The following ANK2 variants were observed in gnomAD, a reference collection of about 807,000 sequenced individuals.
ANK2 encodes ankyrin 2, also known as ankyrin-2.
ANK2 carries 83 observed loss-of-function variants against 360.5 expected under a neutral mutation model. The observed-to-expected ratio is 0.23, with a 90% CI of 0.19 to 0.28. The LOEUF (loss-of-function observed/expected upper bound fraction) is 0.28. Ranked by LOEUF, ANK2 falls within the 10% of genes least tolerant of loss-of-function variation. The pLI, the probability that ANK2 is intolerant of heterozygous loss-of-function variation, is 1.00. For missense variants in ANK2, 4,201 were observed against 4,795.7 expected, an observed-to-expected ratio of 0.88 and a Z score of 3.66; for synonymous variants, 1,740 against 1,759.5, an observed-to-expected ratio of 0.99 and a Z score of 0.28.
chr4:112,975,991 T>G (rs1003311691), intron 2 of ANK2, among the ~76,000 whole-genome samples: 2 of 152,196 alleles, frequency 1.3e-5, no homozygotes, highest in Non-Finnish European at 2.9e-5. Flanking sequence ...TTATATTTAA[T>G]TGGTATTTTT....
chr4:113,257,129 T>C (rs895293700), intron 11 of ANK2, among the ~76,000 whole-genome samples: 2 of 152,208 alleles, frequency 1.3e-5, no homozygotes, highest in African/African-American at 4.8e-5. Context: ...GAACTGCTAG[T>C]GTGTAAAAAC....
chr4:113,132,191 C>A (rs920252790), intron 1 of ANK2, among the ~76,000 whole-genome samples: 2 of 152,026 alleles, frequency 1.3e-5, no homozygotes, highest in Admixed American at 1.3e-4. Flanking sequence ...GAATACTCAT[C>A]CTTGGAATTG....
intron 12 of ANK2, 51 bp downstream of exon 12, chr4:113,258,199 C>A (rs749556961): frequency 6.3e-7 from 1 of 1,577,760 alleles, no homozygotes; most frequent in Non-Finnish European, 8.7e-7. Context: ...TTACTCCTTC[C>A]TCCCTTTCCT....
chr4:112,950,300 A>C (rs1334670583), intron 2 of ANK2, among the ~76,000 whole-genome samples: 2 of 152,238 alleles, frequency 1.3e-5, no homozygotes, highest in Non-Finnish European at 2.9e-5. Context: ...GAACTGATAG[A>C]ACGTAAATGG....
At chr4:113,119,313 A>C (rs1310577923) in intron 1 of ANK2, among the ~76,000 whole-genome samples, 1 of 152,126 alleles carries the variant, frequency 6.6e-6, no homozygotes, top group African/African-American at 2.4e-5. Context: ...CAGCACAACA[A>C]ACTTGCTAAA....
chr4:113,285,408 T>G (rs780268666), intron 18 of ANK2, among the ~76,000 whole-genome samples: 1 of 152,198 alleles, frequency 6.6e-6, no homozygotes. Context: ...CCTCTGAACT[T>G]CTGACCTACT....
intron 1 of ANK2, among the ~76,000 whole-genome samples, chr4:113,051,011 G>A (rs912020602): frequency 1.3e-5 from 2 of 152,252 alleles, no homozygotes; most frequent in Middle Eastern, 3.4e-3. Context: ...TAATCATAGC[G>A]TAGAGATAGT....
intron 1 of ANK2, among the ~76,000 whole-genome samples, chr4:113,065,611 C>G (rs547169990): frequency 1.3e-5 from 2 of 152,104 alleles, no homozygotes; most frequent in African/African-American, 4.8e-5. Flanking sequence ...AGTGTTTTTC[C>G]TGTTTCTTAC....
rs62313245 is a variant in ANK2 at position 113,357,510 on chromosome 4, C to T, written c.8892C>T (p.Ile2964=). The T allele has an allele frequency of 1.2e-6, 2 of 1,614,116 alleles. No individual in the cohort carries two copies. Among genetic ancestry groups the T allele is most frequent in the Non-Finnish European group, 1.7e-6 (2 of 1,179,986 alleles). The change falls in exon 38 of 46, where the codon ATC becomes ATT. Residue 2964 remains isoleucine, a synonymous_variant. Coordinates refer to ENST00000357077, the MANE Select transcript of ANK2 (RefSeq NM_001148.6). ...FHSSEVYSVT[I]TSPVEDVVVA... ...CTTCTGAAGTGTATTCTGTTACCAT[C>T]ACATCCCCTGTTGAAGACGTTGTAG...
chr4:113,213,795 A>T (rs1202809274), intron 4 of ANK2, among the ~76,000 whole-genome samples: 4 of 152,124 alleles, frequency 2.6e-5, no homozygotes, highest in African/African-American at 9.7e-5. Context: ...TCCAAAAACC[A>T]CTGCAAACAT....
chr4:112,717,355 T>C, the ANK2 span, among the ~76,000 whole-genome samples: 1 of 152,226 alleles, frequency 6.6e-6, no homozygotes, highest in African/African-American at 2.4e-5. Flanking sequence ...TTATGAATAC[T>C]GAATTTCTCT....
chr4:113,375,827 T>C (rs925686133), intron 45 of ANK2, among the ~76,000 whole-genome samples: 1 of 152,212 alleles, frequency 6.6e-6, no homozygotes, highest in African/African-American at 2.4e-5. Context: ...ACAAATTTTG[T>C]AAGTTAATTT....
intron 2 of ANK2, among the ~76,000 whole-genome samples, chr4:113,026,752 C>G (rs1312486190): frequency 6.6e-6 from 1 of 152,000 alleles, no homozygotes; most frequent in Non-Finnish European, 1.5e-5. Context: ...GATGAGTAAT[C>G]AAGGAAAAGG....
the ANK2 span, among the ~76,000 whole-genome samples, chr4:112,708,175 A>G: frequency 6.6e-6 from 1 of 152,340 alleles, no homozygotes; most frequent in African/African-American, 2.4e-5. Context: ...TGTTCTACTA[A>G]GTGGTGAAAT....
chr4:112,944,429 T>G (rs547136325), intron 2 of ANK2, among the ~76,000 whole-genome samples: 1 of 152,342 alleles, frequency 6.6e-6, no homozygotes, highest in South Asian at 2.1e-4. Flanking sequence ...TGTAAACAGC[T>G]TACTTCTTTG....
the ANK2 span, among the ~76,000 whole-genome samples, chr4:112,763,299 G>T: frequency 1.1e-4 from 17 of 151,124 alleles, no homozygotes; most frequent in African/African-American, 3.4e-4. Flanking sequence ...GGCGATCTCC[G>T]CTCACTGCAA....
chr4:112,876,046 C>T (rs529672445), intron 1 of ANK2, among the ~76,000 whole-genome samples: 51 of 151,678 alleles, frequency 3.4e-4, no homozygotes, highest in African/African-American at 1.0e-3. Context: ...TGAGCCACCA[C>T]GTGTGGTATA....
chr4:112,848,104 A>G (rs746127882), intron 1 of ANK2, among the ~76,000 whole-genome samples: 12 of 152,124 alleles, frequency 7.9e-5, no homozygotes, highest in Admixed American at 2.0e-4. Context: ...TCATCAGAAA[A>G]ATCAATTATT....
At chr4:113,004,068 C>T (rs57096166) in intron 2 of ANK2, among the ~76,000 whole-genome samples, 2 of 152,174 alleles carry the variant, frequency 1.3e-5, no homozygotes, top group African/African-American at 4.8e-5. Flanking sequence ...GTGGGTGAGT[C>T]AGTGAGTGAG....
Sources: gnomAD v4.1 joint callset for allele counts (sites outside exome capture counted in the v4.1 genomes callset) on GRCh38, gnomAD v4.1.1 for gene constraint, MANE v1.5 for transcripts, NCBI Gene and HGNC (gene_info 2026-07-23, HGNC 2026-07-21) for gene names.